The following PKP1 variants were observed in gnomAD, a reference collection of about 807,000 sequenced individuals.
The protein encoded by PKP1 is plakophilin-1.
Under a neutral mutation model 76.4 loss-of-function variants are expected in PKP1, and 27 were observed. That is an observed-to-expected ratio of 0.35 (90% CI 0.26 to 0.49). PKP1 has a LOEUF of 0.49. PKP1 is among the 20% of genes least tolerant of loss of function. The pLI, the probability that PKP1 is intolerant of heterozygous loss-of-function variation, is 0.99. For synonymous variants in PKP1, 404 were observed against 384.2 expected (o/e 1.05, Z -0.60); for missense variants, 964 against 955.2 (o/e 1.01, Z -0.12).
At position 201,322,089 on chromosome 1, in the gene PKP1, A is replaced by T. The variant is rs1329470812; in HGVS notation, c.1459A>T (p.Lys487Ter). ...TAACGCCCGCAACGCCTACACCGAG[A>T]AGTCCTCCACTGGCTGCTTCAGCAA... Reference protein sequence around the residue: ...EYNARNAYTEKSSTGCFSNKS... With the variant: ...EYNARNAYTE The change falls in exon 8 of 14, where the codon AAG becomes TAG. Residue 487 changes from lysine (K) to a stop codon, truncating the protein, a stop_gained. Transcript: ENST00000367324. LOFTEE classifies it high-confidence loss of function. 6.2e-7 allele frequency: 1 copy of T among 1,613,074 alleles called. No homozygotes were observed.
intron 1 of PKP1, 87 bp downstream of exon 1, chr1:201,283,991 CG>C: frequency 8.0e-7 from 1 of 1,242,322 alleles, no homozygotes; most frequent in Non-Finnish European, 1.2e-6. Context: ...CACGCATCCC[CG>C]GGGATGAGGG....
chr1:201,324,469 G>T lies in PKP1; in HGVS notation c.1722G>T (p.Lys574Asn). 1 of 1,614,166 alleles carries T rather than the reference G, an allele frequency of 6.2e-7. No individual in the cohort carries two copies. Among genetic ancestry groups the T allele is most frequent in the East Asian group, 2.2e-5 (1 of 44,874 alleles). ...GMSQLIGLKE[K>N]GLPQIARLLQ... ...GCCAGTTGATTGGGCTGAAGGAAAA[G>T]GGCCTGCCACAAATTGCCCGCCTCC... Residue 574 changes from lysine (K) to asparagine (N), a missense_variant, in exon 10 of 14, where the codon AAG becomes AAT. Lys to Asn is a moderately conservative substitution (Grantham distance 94). Transcript: ENST00000367324.
intron 7 of PKP1, among the ~76,000 whole-genome samples, chr1:201,321,451 G>A (rs1334654169): frequency 6.6e-6 from 1 of 152,156 alleles, no homozygotes; most frequent in Non-Finnish European, 1.5e-5. Flanking sequence ...GCTGTGTTTT[G>A]TGTGGACTTA....
At chr1:201,312,491 C>T (rs552876111) in intron 2 of PKP1, among the ~76,000 whole-genome samples, 3 of 152,324 alleles carry the variant, frequency 2.0e-5, no homozygotes, top group African/African-American at 7.2e-5. Context: ...TGGACTGTAC[C>T]ATGTGGGACC....
At chr1:201,297,490 C>T (rs1334620328) in intron 2 of PKP1, among the ~76,000 whole-genome samples, 6 of 152,134 alleles carry the variant, frequency 3.9e-5, no homozygotes, top group African/African-American at 7.2e-5. Context: ...AATATTAGAG[C>T]CCAACACTGT....
chr1:201,312,448 G>A (rs1656583959), intron 2 of PKP1, among the ~76,000 whole-genome samples: 1 of 152,148 alleles, frequency 6.6e-6, no homozygotes, highest in Non-Finnish European at 1.5e-5. Flanking sequence ...CTACTAGAAG[G>A]TCACTCTTCT....
Position 201,332,200 on chromosome 1 carries a change from C to T in PKP1, c.*2159C>T, listed in dbSNP as rs1657348073. On this transcript the variant is annotated 3_prime_UTR_variant, in exon 14 of 14. Transcript: ENST00000367324. ...GAACCTTACCAGCCCAGGCGGATGC[C>T]CCTTCCCCTTAGCACTACCCTGGCC... 1 of 152,380 alleles carries T rather than the reference C, an allele frequency of 6.6e-6. No individual in the cohort carries two copies. The highest frequency in any genetic ancestry group is 6.5e-5 in the Admixed American group (1 of 15,292). The allele number at this position is 152,380 out of a possible 1,614,324, so 9.4% of individuals were successfully genotyped here. A position where few individuals can be genotyped will look rare whatever the true frequency, so the allele number is the denominator to read the frequency against.
Position 201,313,232 on chromosome 1 carries a change from A to C in PKP1, c.373A>C (p.Asn125His). 1.2e-6 allele frequency: 2 copies of C among 1,604,768 alleles called. No homozygotes were observed. ...RRFSSYSQME[N>H]WSRHYPRGSC... ...CTTCAGCTCCTACAGCCAGATGGAG[A>C]ACTGGAGCCGGCACTACCCCCGGGG... The change falls in exon 3 of 14, where the codon AAC (asparagine) becomes CAC (histidine). Residue 125 changes from asparagine to histidine, a missense_variant. Transcript: ENST00000367324.
At chr1:201,320,650 GA>G (rs1446760078) in intron 7 of PKP1, among the ~76,000 whole-genome samples, 1 of 152,238 alleles carries the variant, frequency 6.6e-6, no homozygotes, top group Non-Finnish European at 1.5e-5. Flanking sequence ...CACTCTAATG[GA>G]AAGGGTCATA....
In PKP1 at chr1:201,325,747, T is replaced by TGCCCAGTGCCTCACCC; in HGVS notation, c.2022-6_2031dup. On this transcript the variant is annotated splice_polypyrimidine_tract_variant and splice_region_variant and intron_variant, in intron 11 of 13. Transcript: ENST00000367324. The stretch of plus-strand genomic sequence containing the variant: ...TCATCTCACAAATGCACTTCTCACC[T>TGCCCAGTGCCTCACCC]GCCCAGTGCCTCACCCAAGGCCGCA... 1 of 1,611,544 alleles carries TGCCCAGTGCCTCACCC rather than the reference T, an allele frequency of 6.2e-7. No homozygotes were observed. The highest frequency in any genetic ancestry group is 8.5e-7 in the Non-Finnish European group (1 of 1,177,722).
intron 2 of PKP1, among the ~76,000 whole-genome samples, chr1:201,312,506 C>A (rs867337912): frequency 8.5e-5 from 13 of 152,310 alleles, no homozygotes; most frequent in Admixed American, 5.2e-4. Context: ...GGGACCAGAT[C>A]AGAGGTTGTC....
At chr1:201,289,077 G>A (rs890155766) in intron 1 of PKP1, among the ~76,000 whole-genome samples, 14 of 152,178 alleles carry the variant, frequency 9.2e-5, no homozygotes, top group East Asian at 3.9e-4. Context: ...GCATGTCCAC[G>A]GTGCTCCCAG....
intron 2 of PKP1, among the ~76,000 whole-genome samples, chr1:201,301,184 T>C (rs1656217700): frequency 6.6e-6 from 1 of 152,020 alleles, no homozygotes; most frequent in Admixed American, 6.5e-5. Flanking sequence ...TGGACCCTTG[T>C]AGAGGAATGG....
Position 201,322,000 on chromosome 1 carries a change from T to G in PKP1, c.1370T>G (p.Val457Gly). Residue 457 changes from valine (V) to glycine (G), a missense_variant, in exon 8 of 14, where the codon GTT (valine) becomes GGT (glycine). Val to Gly is a moderately radical substitution (Grantham distance 109). Coordinates refer to ENST00000367324, the MANE Select transcript of PKP1 (RefSeq NM_001005337.3). The stretch of plus-strand genomic sequence containing the variant: ...CAGTCTGTGGAAAACTGCATGTGTG[T>G]TCTGCACAACCTCTCCTACCGCCTG... ...DDKSVENCMCVLHNLSYRLDA... is the reference protein window; with the variant it reads ...DDKSVENCMCGLHNLSYRLDA... 6.2e-7 allele frequency: 1 copy of G among 1,614,102 alleles called. No individual in the cohort carries two copies.
intron 4 of PKP1, 74 bp from the exon 5 acceptor site, chr1:201,317,498 C>A (rs1656791155): frequency 7.7e-7 from 1 of 1,301,312 alleles, no homozygotes; most frequent in South Asian, 1.2e-5. Flanking sequence ...AAAAAAAAAT[C>A]ACCTTTGAGT....
intron 2 of PKP1, among the ~76,000 whole-genome samples, chr1:201,302,897 C>G (rs1259309611): frequency 6.6e-6 from 1 of 152,246 alleles, no homozygotes; most frequent in African/African-American, 2.4e-5. Context: ...AGAAGCCTTA[C>G]AGGGCATGCT....
chr1:201,287,884 G>A (rs143160412), intron 1 of PKP1, among the ~76,000 whole-genome samples: 146 of 152,330 alleles, frequency 9.6e-4, no homozygotes, highest in African/African-American at 3.0e-3. Flanking sequence ...TAAAATGGAC[G>A]AATGTTAGAT....
rs557286579 is a variant in PKP1, at chr1:201,331,126, A to G, written c.*1085A>G. The G allele has an allele frequency of 2.0e-5, 3 of 152,180 alleles. No homozygotes were observed. The highest frequency in any genetic ancestry group is 7.2e-5 in the African/African-American group (3 of 41,484). The allele number at this position is 152,180 out of a possible 1,614,324, so 9.4% of individuals were successfully genotyped here. On this transcript the variant is annotated 3_prime_UTR_variant, in exon 14 of 14. Coordinates refer to ENST00000367324, the MANE Select transcript of PKP1 (RefSeq NM_001005337.3). ...TGGGGTATAGAAATTAACCAGGAAG[A>G]TGTTTCCACCAAGCCTGCTGTGAGT...
intron 2 of PKP1, among the ~76,000 whole-genome samples, chr1:201,294,526 A>G (rs1366296163): frequency 6.6e-6 from 1 of 152,172 alleles, no homozygotes. Flanking sequence ...AACCCGACAC[A>G]TTTGGGTTCA....
Sources: allele counts gnomAD v4.1 joint callset (sites outside exome capture counted in the v4.1 genomes callset), GRCh38; gene constraint gnomAD v4.1.1; transcripts MANE v1.5; gene names NCBI Gene and HGNC (gene_info 2026-07-23, HGNC 2026-07-21).